SLC24A3: variants seen among roughly 807,000 people sequenced by gnomAD.
SLC24A3 encodes sodium/potassium/calcium exchanger 3.
In SLC24A3, 28 loss-of-function variants were observed where a neutral mutation model predicts 75.8. The ratio of observed to expected loss-of-function variants is 0.37; its 90% CI spans 0.27 to 0.51. The LOEUF is 0.51. SLC24A3 is among the 20% of genes least tolerant of loss of function. The probability of loss-of-function intolerance (pLI) is 0.94; values close to 1 mark genes in which losing one functional copy is unlikely to be tolerated. For synonymous variants in SLC24A3, 372 were observed against 334.1 expected, an observed-to-expected ratio of 1.11 and a Z score of -1.24; for missense variants, 663 against 847.8, an observed-to-expected ratio of 0.78 and a Z score of 2.71.
intron 2 of SLC24A3, among the ~76,000 whole-genome samples, chr20:19,393,507 T>A (rs1247053929): frequency 6.6e-6 from 1 of 152,220 alleles, no homozygotes; most frequent in Non-Finnish European, 1.5e-5. Context: ...TTTAGCCCAG[T>A]TGCTGCATAC....
intron 3 of SLC24A3, among the ~76,000 whole-genome samples, chr20:19,537,823 A>C (rs2030426504): frequency 6.7e-6 from 1 of 148,600 alleles, no homozygotes; most frequent in African/African-American, 2.5e-5. Flanking sequence ...GTGGGAATTG[A>C]ACAATGAGAA....
chr20:19,334,174 T>A (rs1600434723), intron 2 of SLC24A3, among the ~76,000 whole-genome samples: 1 of 152,212 alleles, frequency 6.6e-6, no homozygotes, highest in Non-Finnish European at 1.5e-5. Context: ...TTTATCCTAA[T>A]GACTTGTTAT....
At chr20:19,536,416 G>C (rs946247103) in intron 3 of SLC24A3, among the ~76,000 whole-genome samples, 3 of 152,102 alleles carry the variant, frequency 2.0e-5, no homozygotes, top group African/African-American at 7.2e-5. Context: ...GTCTGGGTTG[G>C]ATGCTGCTAA....
At chr20:19,376,928 A>G (rs977754289) in intron 2 of SLC24A3, among the ~76,000 whole-genome samples, 1 of 152,224 alleles carries the variant, frequency 6.6e-6, no homozygotes, top group Non-Finnish European at 1.5e-5. Flanking sequence ...AGGTGCAGGC[A>G]TTGAAAAATA....
chr20:19,315,350 G>A (rs1984561925), intron 2 of SLC24A3, among the ~76,000 whole-genome samples: 1 of 152,308 alleles, frequency 6.6e-6, no homozygotes, highest in South Asian at 2.1e-4. Context: ...AGATCACTGG[G>A]GCTGGGGTGC....
intron 7 of SLC24A3, among the ~76,000 whole-genome samples, chr20:19,654,713 T>TCTTGG (rs1568686642): frequency 6.7e-6 from 1 of 149,086 alleles, no homozygotes; most frequent in African/African-American, 2.5e-5. Context: ...AGTGGAGTGA[T>TCTTGG]CTTGGCTCAC....
intron 2 of SLC24A3, among the ~76,000 whole-genome samples, chr20:19,393,877 GA>G (rs1986405973): frequency 6.6e-6 from 1 of 152,102 alleles, no homozygotes. Context: ...AATTCATATA[GA>G]ATCTTAAGGG....
chr20:19,314,277 A>T (rs948638270), intron 2 of SLC24A3, among the ~76,000 whole-genome samples: 2 of 126,442 alleles, frequency 1.6e-5, no homozygotes, highest in African/African-American at 3.0e-5. Flanking sequence ...GTTTTTATTT[A>T]TTTATTTTAT....
In SLC24A3 at chr20:19,666,026, C is replaced by T. The variant is rs143415428; in HGVS notation, c.713+137C>T. 1.9e-3 allele frequency: 1,687 copies of T among 898,138 alleles called. 19 individuals are homozygous for T. In the African/African-American group the frequency reaches 0.024, roughly 13 times the overall value. The allele number at this position is 898,138 out of a possible 1,614,324, so 55.6% of individuals were successfully genotyped here. A position where few individuals can be genotyped will look rare whatever the true frequency, so the allele number is the denominator to read the frequency against. On this transcript the variant is annotated intron_variant, in intron 8 of 16. Transcript: ENST00000328041. ...GAATGAGGAGAATTTCCTAGGAACC[C>T]TCTGCACACCTCAGGGGAGAAATTA...
intron 6 of SLC24A3, among the ~76,000 whole-genome samples, chr20:19,607,112 A>G (rs2031607420): frequency 6.6e-6 from 1 of 152,156 alleles, no homozygotes; most frequent in Non-Finnish European, 1.5e-5. Flanking sequence ...ATAACATGGG[A>G]CTTGCCTCCT....
At chr20:19,553,898 T>C (rs2030742860) in intron 3 of SLC24A3, among the ~76,000 whole-genome samples, 1 of 152,140 alleles carries the variant, frequency 6.6e-6, no homozygotes, top group Non-Finnish European at 1.5e-5. Flanking sequence ...ATAACTTACA[T>C]TGGCAGAGTA....
At chr20:19,579,249 A>G (rs1162247088) in intron 3 of SLC24A3, among the ~76,000 whole-genome samples, 1 of 152,200 alleles carries the variant, frequency 6.6e-6, no homozygotes, top group African/African-American at 2.4e-5. Context: ...GTAAGATTTC[A>G]TTAGTTGGAG....
At chr20:19,438,096 G>C (rs555377935) in intron 2 of SLC24A3, among the ~76,000 whole-genome samples, 55 of 152,258 alleles carry the variant, frequency 3.6e-4, no homozygotes, top group African/African-American at 1.3e-3. Flanking sequence ...TTTGAACCCA[G>C]GGCCCCTGTG....
At chr20:19,480,815 TC>T (rs1314223172) in intron 2 of SLC24A3, among the ~76,000 whole-genome samples, 2 of 152,162 alleles carry the variant, frequency 1.3e-5, no homozygotes, top group Non-Finnish European at 2.9e-5. Context: ...AATATTTGGG[TC>T]CTGGGACACT....
In SLC24A3 at chr20:19,699,080, T is replaced by C. The variant is rs540452291; in HGVS notation, c.1719+400T>C. Among the ~76,000 whole-genome samples the C allele has an allele frequency of 2.0e-5, 3 of 152,376 alleles. No individual in the cohort carries two copies. The South Asian group carries it at 6.2e-4, about 32-fold the overall frequency. ...TATATCATTTTTATATGTCATGATA[T>C]ATAACACTTCTTTTGATTTTTGTTC... On this transcript the variant is annotated intron_variant, in intron 15 of 16. Transcript: ENST00000328041.
intron 3 of SLC24A3, among the ~76,000 whole-genome samples, chr20:19,566,805 TG>T (rs768582481): frequency 9.9e-5 from 15 of 152,192 alleles, no homozygotes; most frequent in Non-Finnish European, 1.0e-4. Context: ...CCATCATGCT[TG>T]GCAGCAGGGC....
chr20:19,422,556 G>T (rs901714975), intron 2 of SLC24A3, among the ~76,000 whole-genome samples: 9 of 152,082 alleles, frequency 5.9e-5, no homozygotes, highest in African/African-American at 2.2e-4. Flanking sequence ...AAATGCTGAC[G>T]GTCATTCTCA....
intron 1 of SLC24A3, among the ~76,000 whole-genome samples, chr20:19,214,115 G>T (rs1981485839): frequency 6.6e-6 from 1 of 152,160 alleles, no homozygotes. Context: ...CCCCAGCTTG[G>T]CTGGTCTCCT....
At chr20:19,616,074 A>G (rs1465207938) in intron 6 of SLC24A3, among the ~76,000 whole-genome samples, 2 of 152,212 alleles carry the variant, frequency 1.3e-5, no homozygotes, top group African/African-American at 4.8e-5. Context: ...TGCCTGTGAA[A>G]GGAAAGGAGA....
Sources: gnomAD v4.1 joint callset for allele counts (sites outside exome capture counted in the v4.1 genomes callset) on GRCh38, gnomAD v4.1.1 for gene constraint, MANE v1.5 for transcripts, NCBI Gene and HGNC (gene_info 2026-07-23, HGNC 2026-07-21) for gene names.